The following TBCD variants were observed in gnomAD, a reference collection of about 807,000 sequenced individuals.
TBCD encodes tubulin folding cofactor D.
TBCD carries 105 observed loss-of-function variants against 169.3 expected under a neutral mutation model. The observed-to-expected ratio is 0.62, with a 90% CI of 0.53 to 0.73. The LOEUF (loss-of-function observed/expected upper bound fraction) is 0.73, where lower values mean the gene tolerates loss of function less well. Among genes scored for constraint, TBCD ranks in the 30% least tolerant of loss-of-function variants. The pLI, the probability that TBCD is intolerant of heterozygous loss-of-function variation, is 0.00. For synonymous variants in TBCD, 700 were observed against 643.9 expected, an observed-to-expected ratio of 1.09 and a Z score of -1.32; for missense variants, 1,444 against 1,600.1, an observed-to-expected ratio of 0.90 and a Z score of 1.66.
intron 27 of TBCD, among the ~76,000 whole-genome samples, chr17:82,925,839 G>T (rs1240843933): frequency 6.6e-6 from 1 of 152,196 alleles, no homozygotes; most frequent in Non-Finnish European, 1.5e-5. Flanking sequence ...CTCAGCGTAG[G>T]ACAAAAGGGG....
At chr17:82,807,702 G>T (rs2051076081) in intron 11 of TBCD, 34 bp downstream of exon 11, 2 of 1,425,050 alleles carry the variant, frequency 1.4e-6, no homozygotes, top group East Asian at 2.8e-5. Flanking sequence ...CACCCCGGGG[G>T]GTGGGCCGGC....
Position 82,903,514 on chromosome 17 carries a change from G to A in TBCD, c.1804+36G>A, listed in dbSNP as rs1285544992. The A allele has an allele frequency of 1.9e-6, 3 of 1,557,570 alleles. No homozygotes were observed. Among genetic ancestry groups the A allele is most frequent in the South Asian group, 2.4e-5 (2 of 84,664 alleles). On this transcript the variant is annotated intron_variant, in intron 19 of 38. Coordinates refer to ENST00000355528, the MANE Select transcript of TBCD (RefSeq NM_005993.5). The surrounding 1 kb of genome is among the most constrained non-coding windows in gnomAD (Gnocchi z 4.8). ...GTCCCGGCCGGCCTGCGGGCACCAT[G>A]CATGCACTGCAGAAAGGCCTGGGTT...
rs577787789 is a variant in TBCD at position 82,828,364 on chromosome 17, G to T, written c.1318+13430G>T. Among the ~76,000 whole-genome samples the T allele has an allele frequency of 3.4e-4, 41 of 121,704 alleles. No individual in the cohort carries two copies. In the Admixed American group the frequency reaches 3.5e-3, roughly 10 times the overall value. 79.8% of individuals were successfully genotyped at this position (121,704 alleles called of 152,430 possible). A position where few individuals can be genotyped will look rare whatever the true frequency, so the allele number is the denominator to read the frequency against. The stretch of plus-strand genomic sequence containing the variant: ...GATATGCGCACGTGGACACCCACAC[G>T]ATTGAATGTGCACTCACAGATACAT... On this transcript the variant is annotated intron_variant, in intron 13 of 38. Transcript: ENST00000355528.
chr17:82,825,318 C>T (rs772913147), intron 13 of TBCD, among the ~76,000 whole-genome samples: 3 of 152,100 alleles, frequency 2.0e-5, no homozygotes, highest in Non-Finnish European at 4.4e-5. Flanking sequence ...TCCTTGTCTG[C>T]AGGGTGTGAG....
At chr17:82,820,564 TCTC>T (rs933812382) in intron 13 of TBCD, among the ~76,000 whole-genome samples, 1 of 152,156 alleles carries the variant, frequency 6.6e-6, no homozygotes, top group Non-Finnish European at 1.5e-5. Context: ...TTGCTGCCCC[TCTC>T]CTCTCCTTGT....
At chr17:82,894,022 G>T (rs1599302967) in intron 17 of TBCD, among the ~76,000 whole-genome samples, 1 of 61,940 alleles carries the variant, frequency 1.6e-5, no homozygotes, top group East Asian at 3.1e-4. Context: ...TCCTCCTGAT[G>T]CTTCCCTACT....
intron 13 of TBCD, among the ~76,000 whole-genome samples, chr17:82,844,374 A>G (rs1479382667): frequency 6.6e-6 from 1 of 152,072 alleles, no homozygotes; most frequent in African/African-American, 2.4e-5. Context: ...CTGCATCGTC[A>G]GTGTGGCTGC....
intron 13 of TBCD, chr17:82,840,670 G>C (rs1018564799): frequency 2.0e-5 from 3 of 152,268 alleles, no homozygotes; most frequent in Non-Finnish European, 2.9e-5. Context: ...CGGGGGAGGG[G>C]GCCAGCTGTG....
intron 4 of TBCD, 105 bp downstream of exon 4, chr17:82,766,473 A>C (rs116109157): frequency 1.5e-6 from 1 of 680,792 alleles, no homozygotes; most frequent in African/African-American, 1.9e-5. Context: ...CTTTCATTTT[A>C]TCTCCCTTTG....
At chr17:82,872,963 C>T (rs867132711) in intron 14 of TBCD, among the ~76,000 whole-genome samples, 2 of 150,562 alleles carry the variant, frequency 1.3e-5, no homozygotes, top group Admixed American at 6.7e-5. Context: ...TCGTGGCCGA[C>T]GGCTTCTGAG....
At chr17:82,855,991 C>A (rs1040744851) in intron 13 of TBCD, among the ~76,000 whole-genome samples, 38 of 128,056 alleles carry the variant, frequency 3.0e-4, no homozygotes, top group Admixed American at 1.8e-3. Context: ...ACTCCCCCCC[C>A]ACTTTTTTTT....
intron 7 of TBCD, among the ~76,000 whole-genome samples, chr17:82,788,553 A>G (rs1285436726): frequency 8.5e-5 from 13 of 152,238 alleles, no homozygotes; most frequent in South Asian, 2.1e-4. Flanking sequence ...AACTCTTGTT[A>G]AAGGATAAAA....
chr17:82,763,184 C>T (rs1196764657), intron 2 of TBCD, among the ~76,000 whole-genome samples: 1 of 152,136 alleles, frequency 6.6e-6, no homozygotes, highest in Non-Finnish European at 1.5e-5. Flanking sequence ...TTTCTCTCAG[C>T]TTCTTCTGTG....
intron 13 of TBCD, among the ~76,000 whole-genome samples, chr17:82,836,195 G>A (rs1319598385): frequency 6.6e-6 from 1 of 152,274 alleles, no homozygotes; most frequent in African/African-American, 2.4e-5. Flanking sequence ...CCTTCAGGAA[G>A]TAGAGAAGCC....
chr17:82,881,317 C>T (rs1387316013), intron 14 of TBCD, among the ~76,000 whole-genome samples: 1 of 152,100 alleles, frequency 6.6e-6, no homozygotes, highest in African/African-American at 2.4e-5. Context: ...ACTGGTGATC[C>T]GTGGTTGTTA....
rs1017647300 is a variant in TBCD at position 82,880,697 on chromosome 17, G to T, written c.1476-3448G>T. On this transcript the variant is annotated intron_variant, in intron 14 of 38. Transcript: ENST00000355528. The surrounding 1 kb of genome is among the most constrained non-coding windows in gnomAD (Gnocchi z 5.0). ...CAGCAGGAACTGCAGGGTCCCTACC[G>T]CAGGCTCCCCACACAGTGACACCTG... Among the ~76,000 whole-genome samples, 1 of 152,092 alleles carries T rather than the reference G, an allele frequency of 6.6e-6. No homozygotes were observed. Among genetic ancestry groups the T allele is most frequent in the East Asian group, 1.9e-4 (1 of 5,170 alleles).
At chr17:82,865,435 G>A (rs1207041103) in intron 13 of TBCD, 3 of 983,544 alleles carry the variant, frequency 3.1e-6, no homozygotes, top group Non-Finnish European at 2.4e-6. Flanking sequence ...CTGAGCAGTC[G>A]GGGAGACACC....
chr17:82,811,270 G>T (rs1422003019), intron 12 of TBCD, among the ~76,000 whole-genome samples: 2 of 152,334 alleles, frequency 1.3e-5, no homozygotes, highest in African/African-American at 4.8e-5. Flanking sequence ...CTCTCCTCCA[G>T]CCGCTGGGCG....
At chr17:82,871,732 C>T (rs767692188) in intron 14 of TBCD, among the ~76,000 whole-genome samples, 3 of 152,194 alleles carry the variant, frequency 2.0e-5, no homozygotes, top group East Asian at 3.9e-4. Context: ...CTGCCCCGCA[C>T]GCCCCGCGAG....
Sources: allele counts gnomAD v4.1 joint callset (sites outside exome capture counted in the v4.1 genomes callset), GRCh38; gene constraint gnomAD v4.1.1; non-coding constraint Gnocchi (gnomAD v3.1); transcripts MANE v1.5; gene names NCBI Gene and HGNC (gene_info 2026-07-23, HGNC 2026-07-21).